The following RBMS3 variants were observed in gnomAD, a reference collection of about 807,000 sequenced individuals.
The protein encoded by RBMS3 is RNA-binding motif, single-stranded-interacting protein 3.
A neutral mutation model predicts 66.8 loss-of-function variants in RBMS3; 27 were observed. The observed-to-expected ratio is 0.40, with a 90% CI of 0.30 to 0.56. The LOEUF (loss-of-function observed/expected upper bound fraction) is 0.56. RBMS3 is among the 20% of genes least tolerant of loss of function. RBMS3 has a pLI of 0.40. For missense variants in RBMS3, 513 were observed against 549.5 expected (o/e 0.93, Z 0.66); for synonymous variants, 188 against 183.0 (o/e 1.03, Z -0.22).
chr3:29,497,079 G>A (rs1007516326), intron 3 of RBMS3, among the ~76,000 whole-genome samples: 2 of 151,322 alleles, frequency 1.3e-5, no homozygotes, highest in African/African-American at 2.4e-5. Context: ...CTAGAGTCTC[G>A]GCTCACTGCA....
intron 3 of RBMS3, among the ~76,000 whole-genome samples, chr3:29,499,656 A>G (rs1481789409): frequency 6.6e-6 from 1 of 152,230 alleles, no homozygotes; most frequent in Non-Finnish European, 1.5e-5. Flanking sequence ...AGGCATACAG[A>G]TAGACCTATT....
chr3:29,303,600 T>C (rs1038765084), intron 1 of RBMS3, among the ~76,000 whole-genome samples: 2 of 151,958 alleles, frequency 1.3e-5, no homozygotes, highest in African/African-American at 2.4e-5. Flanking sequence ...AAAGAATAAG[T>C]CCTGTTGAGA....
intron 1 of RBMS3, among the ~76,000 whole-genome samples, chr3:29,419,815 T>G (rs192672975): frequency 5.6e-4 from 86 of 152,328 alleles, no homozygotes; most frequent in African/African-American, 2.0e-3. Context: ...TTATTAAAAT[T>G]TTGAACTTCA....
chr3:29,668,916 C>T (rs914966528), intron 4 of RBMS3, among the ~76,000 whole-genome samples: 3 of 152,082 alleles, frequency 2.0e-5, no homozygotes, highest in African/African-American at 7.2e-5. Flanking sequence ...AGGTTAGATC[C>T]CTGCCTGTAG....
chr3:29,442,295 T>C (rs979329587), intron 2 of RBMS3, among the ~76,000 whole-genome samples: 3 of 152,158 alleles, frequency 2.0e-5, no homozygotes, highest in Non-Finnish European at 4.4e-5. Flanking sequence ...TTTGGGGGCA[T>C]CCTAGAAATT....
chr3:29,702,504 A>G lies in RBMS3; in HGVS notation c.400-37216A>G, dbSNP rs115017837. On this transcript the variant is annotated intron_variant, in intron 4 of 14. Coordinates refer to ENST00000383767, the MANE Select transcript of RBMS3 (RefSeq NM_001003793.3). ...GCCGGGGTCCTCTTTCACTCTGTGG[A>G]AGCTTTGTTCTTTTGCTCTTTGCAA... Among the ~76,000 whole-genome samples, 1,383 of 152,268 alleles carry G rather than the reference A, an allele frequency of 9.1e-3. 10 individuals are homozygous for G. Among genetic ancestry groups the G allele is most frequent in the Non-Finnish European group, 0.014 (935 of 68,014 alleles).
chr3:29,840,600 A>T (rs996991475), intron 6 of RBMS3, among the ~76,000 whole-genome samples: 20 of 152,008 alleles, frequency 1.3e-4, no homozygotes, highest in East Asian at 1.9e-4. Context: ...TTATGGAAAA[A>T]TTTTGACTTT....
At chr3:29,723,146 T>C (rs2149323878) in intron 4 of RBMS3, among the ~76,000 whole-genome samples, 1 of 151,830 alleles carries the variant, frequency 6.6e-6, no homozygotes, top group East Asian at 1.9e-4. Flanking sequence ...TGGCTAATTT[T>C]TTGTATTTTT....
intron 1 of RBMS3, among the ~76,000 whole-genome samples, chr3:29,380,212 TCACACACACACA>T (rs10584637): frequency 3.3e-5 from 5 of 149,308 alleles, no homozygotes; most frequent in African/African-American, 1.2e-4. Flanking sequence ...TAGGGGAATC[TCACACACACACA>T]CACACACACA....
Position 29,868,908 on chromosome 3 carries a change from C to A in RBMS3, c.688C>A (p.Arg230=), listed in dbSNP as rs763252410. ...CKFADGGQKK[R]QNQSKYTQNG... The stretch of plus-strand genomic sequence containing the variant: ...ATTCGCTGATGGAGGACAAAAGAAG[C>A]GACAGAATCAAAGCAAATATACCCA... Residue 230 remains arginine, a synonymous_variant, in exon 7 of 15, where the codon CGA becomes AGA. Transcript: ENST00000383767. The A allele has an allele frequency of 3.1e-6, 5 of 1,604,952 alleles. No individual in the cohort carries two copies. Among genetic ancestry groups the A allele is most frequent in the Non-Finnish European group, 4.3e-6 (5 of 1,175,186 alleles).
At chr3:29,996,038 A>G (rs1314059188) in intron 14 of RBMS3, among the ~76,000 whole-genome samples, 3 of 152,318 alleles carry the variant, frequency 2.0e-5, no homozygotes, top group South Asian at 2.1e-4. Flanking sequence ...ACTTGCAGAG[A>G]CACACATAGG....
At chr3:29,918,516 T>C (rs1419495887) in intron 10 of RBMS3, among the ~76,000 whole-genome samples, 3 of 152,132 alleles carry the variant, frequency 2.0e-5, no homozygotes, top group Non-Finnish European at 2.9e-5. Flanking sequence ...TTAATTCTTT[T>C]TGTCTCAAAG....
chr3:29,619,646 A>G (rs1479521390), intron 4 of RBMS3, among the ~76,000 whole-genome samples: 1 of 152,198 alleles, frequency 6.6e-6, no homozygotes, highest in Admixed American at 6.5e-5. Flanking sequence ...CAATGCTCTG[A>G]TTAACCTCTG....
At chr3:29,867,041 G>C (rs17024515) in intron 6 of RBMS3, among the ~76,000 whole-genome samples, 5,978 of 152,190 alleles carry the variant, frequency 0.039, 165 homozygotes, top group Non-Finnish European at 0.064. Context: ...GATAAACAGA[G>C]TTGCTGCTAA....
chr3:29,767,711 A>G (rs1268533251), intron 6 of RBMS3, among the ~76,000 whole-genome samples: 1 of 151,998 alleles, frequency 6.6e-6, no homozygotes, highest in Non-Finnish European at 1.5e-5. Context: ...AATGATGAAC[A>G]CAAATGTTTG....
At chr3:29,427,707 A>G (rs1409274508) in intron 1 of RBMS3, among the ~76,000 whole-genome samples, 1 of 152,206 alleles carries the variant, frequency 6.6e-6, no homozygotes, top group Non-Finnish European at 1.5e-5. Flanking sequence ...TAAAAAGAGT[A>G]CAAATTCTAT....
chr3:29,435,177 G>A (rs140576716), intron 2 of RBMS3, among the ~76,000 whole-genome samples: 2 of 152,338 alleles, frequency 1.3e-5, no homozygotes, highest in Non-Finnish European at 2.9e-5. Context: ...CCTGCAAGAT[G>A]AAGATCAAGT....
rs376255188 is a variant in RBMS3, at chr3:29,781,401, G to A, written c.637+18412G>A. Among the ~76,000 whole-genome samples the A allele has an allele frequency of 6.6e-5, 10 of 151,976 alleles. No homozygotes were observed. The East Asian group carries it at 1.9e-3, about 29-fold the overall frequency. On this transcript the variant is annotated intron_variant, in intron 6 of 14. Coordinates refer to ENST00000383767, the MANE Select transcript of RBMS3 (RefSeq NM_001003793.3). Reference sequence around the variant, plus strand: ...TTAGTTTGTTCCATTTTATTGCTCAGCAGTATTTCATTAAATGGTTTTATA... The same window carrying A: ...TTAGTTTGTTCCATTTTATTGCTCAACAGTATTTCATTAAATGGTTTTATA...
chr3:29,528,790 A>G (rs1301319710), intron 3 of RBMS3, among the ~76,000 whole-genome samples: 1 of 152,146 alleles, frequency 6.6e-6, no homozygotes, highest in Non-Finnish European at 1.5e-5. Context: ...CTGGAGTGCA[A>G]TGGCGTGATC....
Sources: allele counts gnomAD v4.1 joint callset (sites outside exome capture counted in the v4.1 genomes callset), GRCh38; gene constraint gnomAD v4.1.1; transcripts MANE v1.5; gene names NCBI Gene and HGNC (gene_info 2026-07-23, HGNC 2026-07-21).